FANCB: variants seen among roughly 807,000 people sequenced by gnomAD.
The protein encoded by FANCB is FA complementation group B.
A neutral mutation model predicts 38.9 loss-of-function variants in FANCB; 5 were observed. That is an observed-to-expected ratio of 0.13 (90% CI 0.07 to 0.27). FANCB has a LOEUF of 0.27. Among genes scored for constraint, FANCB ranks in the 10% least tolerant of loss-of-function variants. The pLI is 1.00. For synonymous variants in FANCB, 236 were observed against 215.4 expected (o/e 1.10, Z -0.84); for missense variants, 573 against 602.7 (o/e 0.95, Z 0.52).
At chrX:14,784,657 T>C in the FANCB span, among the ~76,000 whole-genome samples, 2 of 112,271 alleles carry the variant, frequency 1.8e-5, no homozygotes, top group African/African-American at 6.5e-5. Context: ...AGAAATCCCA[T>C]TACTGGGTAT....
the FANCB span, among the ~76,000 whole-genome samples, chrX:14,798,537 T>C: frequency 4.5e-5 from 5 of 112,338 alleles, no homozygotes; most frequent in African/African-American, 1.6e-4. Context: ...AAGGAGAGTA[T>C]TTAATACACT....
At chrX:14,709,693 G>A in the FANCB span, among the ~76,000 whole-genome samples, 1 of 111,971 alleles carries the variant, frequency 8.9e-6, no homozygotes, top group African/African-American at 3.2e-5. Flanking sequence ...ATGGAGCATA[G>A]ACTGTGTTTC....
At chrX:14,690,469 C>T in the FANCB span, among the ~76,000 whole-genome samples, 1 of 111,716 alleles carries the variant, frequency 9.0e-6, no homozygotes, top group Non-Finnish European at 1.9e-5. Context: ...TGGAGCTGGT[C>T]TCAGGAATAA....
chrX:14,792,999 T>C, the FANCB span, among the ~76,000 whole-genome samples: 3 of 112,244 alleles, frequency 2.7e-5, no homozygotes, highest in Non-Finnish European at 5.6e-5. Flanking sequence ...TCCAAATGAA[T>C]TATTCAATTA....
chrX:14,870,468 G>GA (rs1234169673), intron 1 of FANCB, among the ~76,000 whole-genome samples: 2 of 110,967 alleles, frequency 1.8e-5, no homozygotes, highest in Non-Finnish European at 1.9e-5. Flanking sequence ...GCGGGGCGGG[G>GA]CGTGGAGACC....
At chrX:14,840,324 T>A (rs745722218), downstream of FANCB, among the ~76,000 whole-genome samples, 11 of 112,151 alleles carry the variant, frequency 9.8e-5, no homozygotes, top group Admixed American at 2.8e-4. Flanking sequence ...AAGGGCCACC[T>A]ACTTCCAGCC....
At chrX:14,823,655 T>C in the FANCB span, among the ~76,000 whole-genome samples, 7 of 112,244 alleles carry the variant, frequency 6.2e-5, no homozygotes, top group East Asian at 1.4e-3. Context: ...TTCCTTACAT[T>C]GATGTTTTGT....
the FANCB span, among the ~76,000 whole-genome samples, chrX:14,707,944 T>A: frequency 9.0e-6 from 1 of 111,342 alleles, no homozygotes; most frequent in Non-Finnish European, 1.9e-5. Context: ...AACATGTCCA[T>A]CATCTCACAT....
the FANCB span, among the ~76,000 whole-genome samples, chrX:14,759,446 A>T: frequency 8.9e-6 from 1 of 111,809 alleles, no homozygotes; most frequent in Non-Finnish European, 1.9e-5. Context: ...AAAATGAAGG[A>T]AAGAATCTTA....
chrX:14,758,927 C>G, the FANCB span, among the ~76,000 whole-genome samples: 1 of 111,070 alleles, frequency 9.0e-6, no homozygotes, highest in Non-Finnish European at 1.9e-5. Context: ...TTAAGCTAAT[C>G]AAGGAGGCAC....
At chrX:14,756,701 T>C in the FANCB span, among the ~76,000 whole-genome samples, 1 of 111,704 alleles carries the variant, frequency 9.0e-6, no homozygotes, top group Admixed American at 9.5e-5. Context: ...CTTTGCTCAC[T>C]AGAAGCAGGG....
chrX:14,702,951 G>C, the FANCB span, among the ~76,000 whole-genome samples: 6 of 111,314 alleles, frequency 5.4e-5, no homozygotes, highest in Non-Finnish European at 1.1e-4. Flanking sequence ...GGGCTCACTT[G>C]TCTAGGTGAT....
chrX:14,717,057 G>T, the FANCB span, among the ~76,000 whole-genome samples: 1 of 111,296 alleles, frequency 9.0e-6, no homozygotes, highest in South Asian at 3.8e-4. Context: ...AATCTGACGT[G>T]TCCAAAGTTT....
the FANCB span, among the ~76,000 whole-genome samples, chrX:14,744,112 C>A: frequency 9.0e-6 from 1 of 111,457 alleles, no homozygotes; most frequent in African/African-American, 3.3e-5. Context: ...TTATAGATTC[C>A]CTGGCCCTAG....
At chrX:14,766,682 A>G in the FANCB span, among the ~76,000 whole-genome samples, 1 of 109,174 alleles carries the variant, frequency 9.2e-6, no homozygotes, top group Non-Finnish European at 1.9e-5. Flanking sequence ...TTTTTTTTTT[A>G]AATTTTCTTC....
At chrX:14,810,184 A>T in the FANCB span, among the ~76,000 whole-genome samples, 1 of 111,581 alleles carries the variant, frequency 9.0e-6, no homozygotes, top group African/African-American at 3.3e-5. Flanking sequence ...ATCATCAAAG[A>T]CCAAAAGTAG....
chrX:14,825,321 C>T, the FANCB span, among the ~76,000 whole-genome samples: 1 of 111,559 alleles, frequency 9.0e-6, no homozygotes. Context: ...TCTCCTTTTC[C>T]TCTGGGGCTT....
At chrX:14,694,634 T>A in the FANCB span, among the ~76,000 whole-genome samples, 10 of 111,844 alleles carry the variant, frequency 8.9e-5, no homozygotes, top group Non-Finnish European at 1.5e-4. Context: ...ATGGTATTGG[T>A]CATGAGAATG....
chrX:14,771,001 C>T, the FANCB span, among the ~76,000 whole-genome samples: 48 of 111,722 alleles, frequency 4.3e-4, no homozygotes, highest in South Asian at 3.8e-4. Context: ...CTGAGAGGTC[C>T]GCTGTTAGTC....
Sources: gnomAD v4.1 joint callset for allele counts (sites outside exome capture counted in the v4.1 genomes callset) on GRCh38, gnomAD v4.1.1 for gene constraint, MANE v1.5 for transcripts, NCBI Gene and HGNC (gene_info 2026-07-23, HGNC 2026-07-21) for gene names.